Variants in HCN1 observed in about 807,000 individuals in gnomAD.
HCN1 encodes hyperpolarization activated cyclic nucleotide gated potassium channel 1.
HCN1 carries 13 observed loss-of-function variants against 78.9 expected under a neutral mutation model. The ratio of observed to expected loss-of-function variants is 0.16; its 90% CI spans 0.11 to 0.26. The LOEUF (loss-of-function observed/expected upper bound fraction) is 0.26. Among genes scored for constraint, HCN1 ranks in the 10% least tolerant of loss-of-function variants. The pLI, the probability that HCN1 is intolerant of heterozygous loss-of-function variation, is 1.00. For synonymous variants in HCN1, 552 were observed against 455.5 expected, an observed-to-expected ratio of 1.21 and a Z score of -2.70; for missense variants, 810 against 1,154.3, an observed-to-expected ratio of 0.70 and a Z score of 4.32.
intron 5 of HCN1, among the ~76,000 whole-genome samples, chr5:45,317,328 A>G (rs977003825): frequency 1.3e-5 from 2 of 152,236 alleles, no homozygotes; most frequent in African/African-American, 2.4e-5. Flanking sequence ...AGGATTCCCT[A>G]TTTAATAAAC....
rs530646234 is a variant in HCN1, at chr5:45,619,189, A to T, written c.849+25996T>A. Among the ~76,000 whole-genome samples the T allele has an allele frequency of 8.5e-5, 13 of 152,242 alleles. No homozygotes were observed. In the South Asian group the frequency reaches 2.7e-3, roughly 32 times the overall value. Reference sequence around the variant, plus strand: ...CAAGCCTCCTAAGAAATATTTTCATACACAGGCACTAATCTCGTTTAAAAT... The same window carrying T: ...CAAGCCTCCTAAGAAATATTTTCATTCACAGGCACTAATCTCGTTTAAAAT... On this transcript the variant is annotated intron_variant, in intron 2 of 7. Coordinates refer to ENST00000303230, the MANE Select transcript of HCN1 (RefSeq NM_021072.4).
chr5:45,589,601 T>A (rs1284074758), intron 2 of HCN1, among the ~76,000 whole-genome samples: 1 of 152,154 alleles, frequency 6.6e-6, no homozygotes, highest in Non-Finnish European at 1.5e-5. Flanking sequence ...GAATAGGAGA[T>A]GGCAGAACAC....
intron 3 of HCN1, among the ~76,000 whole-genome samples, chr5:45,433,928 A>C (rs1197281317): frequency 6.6e-6 from 1 of 152,190 alleles, no homozygotes; most frequent in Non-Finnish European, 1.5e-5. Flanking sequence ...GGAGGATAGG[A>C]TATAAAAATA....
At chr5:45,360,841 G>C (rs930702314) in intron 4 of HCN1, among the ~76,000 whole-genome samples, 1 of 152,026 alleles carries the variant, frequency 6.6e-6, no homozygotes, top group African/African-American at 2.4e-5. Context: ...CTTTTTAGCA[G>C]AAGTTTGAGT....
At position 45,622,166 on chromosome 5, in the gene HCN1, A is replaced by AC. The variant is rs540962005; in HGVS notation, c.849+23018dup. On this transcript the variant is annotated intron_variant, in intron 2 of 7. Coordinates refer to ENST00000303230, the MANE Select transcript of HCN1 (RefSeq NM_021072.4). ...GAACCCAGGAGGCCGAGATCGCGCC[A>AC]CTGCACTCCAGCCTGGGCGACAGAG... Among the ~76,000 whole-genome samples the AC allele has an allele frequency of 3.3e-5, 5 of 152,166 alleles. No homozygotes were observed. In the South Asian group the frequency reaches 1.0e-3, roughly 31 times the overall value.
chr5:45,431,444 T>A (rs1740461959), intron 3 of HCN1, among the ~76,000 whole-genome samples: 1 of 152,144 alleles, frequency 6.6e-6, no homozygotes, highest in Non-Finnish European at 1.5e-5. Flanking sequence ...TTAATTAGGT[T>A]TCCGTTCTCA....
chr5:45,479,895 T>C (rs1286380184), intron 2 of HCN1, among the ~76,000 whole-genome samples: 1 of 152,206 alleles, frequency 6.6e-6, no homozygotes, highest in Non-Finnish European at 1.5e-5. Flanking sequence ...CTTCTCCTAA[T>C]ATATTCTGGA....
At chr5:45,301,714 C>A in intron 6 of HCN1, among the ~76,000 whole-genome samples, 1 of 140,162 alleles carries the variant, frequency 7.1e-6, no homozygotes, top group Non-Finnish European at 1.5e-5. Context: ...GAGAGATACC[C>A]TGTCATTTAA....
chr5:45,285,012 T>A (rs2111874851), intron 6 of HCN1, among the ~76,000 whole-genome samples: 1 of 152,162 alleles, frequency 6.6e-6, no homozygotes, highest in African/African-American at 2.4e-5. Context: ...TACTTTAAAA[T>A]CAATTTTCTA....
chr5:45,585,783 A>G (rs1279664938), intron 2 of HCN1, among the ~76,000 whole-genome samples: 2 of 152,158 alleles, frequency 1.3e-5, no homozygotes, highest in Non-Finnish European at 2.9e-5. Context: ...AGTTTGCTGG[A>G]GGTCCACTCC....
intron 5 of HCN1, among the ~76,000 whole-genome samples, chr5:45,306,262 T>G (rs1382954647): frequency 6.6e-6 from 1 of 152,118 alleles, no homozygotes; most frequent in Non-Finnish European, 1.5e-5. Context: ...TGATTTGAAC[T>G]ATGCAAATGT....
At chr5:45,437,908 G>C (rs183167424) in intron 3 of HCN1, among the ~76,000 whole-genome samples, 1 of 152,148 alleles carries the variant, frequency 6.6e-6, no homozygotes, top group African/African-American at 2.4e-5. Flanking sequence ...CATCTGAAGG[G>C]CTGGAGGATC....
At chr5:45,500,556 A>C (rs192456392) in intron 2 of HCN1, among the ~76,000 whole-genome samples, 1 of 152,332 alleles carries the variant, frequency 6.6e-6, no homozygotes, top group Admixed American at 6.5e-5. Flanking sequence ...GGTAGAACTA[A>C]TTGGTAAATT....
rs546879106 is a variant in HCN1, at chr5:45,318,205, C to T, written c.1378-14366G>A. Among the ~76,000 whole-genome samples the T allele has an allele frequency of 2.0e-5, 3 of 152,166 alleles. No individual in the cohort carries two copies. The East Asian group carries it at 5.8e-4, about 29-fold the overall frequency. On this transcript the variant is annotated intron_variant, in intron 5 of 7. Transcript: ENST00000303230. ...GATAGACTGGATTAAGAAAATGTGG[C>T]ACATATACACCATGGAATACTATGC... is the stretch of plus-strand genomic sequence containing the variant.
At chr5:45,284,951 C>T (rs1222451507) in intron 6 of HCN1, among the ~76,000 whole-genome samples, 1 of 152,014 alleles carries the variant, frequency 6.6e-6, no homozygotes, top group Non-Finnish European at 1.5e-5. Flanking sequence ...TTCTATTAAA[C>T]TCTAAGTGGA....
chr5:45,492,233 T>C (rs907551847), intron 2 of HCN1, among the ~76,000 whole-genome samples: 2 of 151,264 alleles, frequency 1.3e-5, no homozygotes, highest in African/African-American at 4.9e-5. Flanking sequence ...AGAGATGCAC[T>C]AGAGGCAGGG....
intron 1 of HCN1, among the ~76,000 whole-genome samples, chr5:45,652,764 T>G (rs1366317647): frequency 1.3e-5 from 2 of 151,958 alleles, no homozygotes; most frequent in Non-Finnish European, 2.9e-5. Flanking sequence ...TAGCATAGCT[T>G]TTTTTCTTTC....
intron 2 of HCN1, among the ~76,000 whole-genome samples, chr5:45,508,830 C>T (rs1742356744): frequency 6.6e-6 from 1 of 152,048 alleles, no homozygotes; most frequent in Non-Finnish European, 1.5e-5. Flanking sequence ...GATAAAACCA[C>T]AAAGTTGTGC....
intron 5 of HCN1, among the ~76,000 whole-genome samples, chr5:45,321,176 C>T (rs1181227711): frequency 1.3e-5 from 2 of 151,688 alleles, no homozygotes; most frequent in Non-Finnish European, 2.9e-5. Flanking sequence ...ACACAGCCCC[C>T]AAAATAACAT....
Sources: allele counts gnomAD v4.1 joint callset (sites outside exome capture counted in the v4.1 genomes callset), GRCh38; gene constraint gnomAD v4.1.1; transcripts MANE v1.5; gene names NCBI Gene and HGNC (gene_info 2026-07-23, HGNC 2026-07-21).